Variants in SERPINF2 observed in about 807,000 individuals in gnomAD.
SERPINF2 encodes alpha-2-antiplasmin.
SERPINF2 carries 15 observed loss-of-function variants against 45.0 expected under a neutral mutation model. That is an observed-to-expected ratio of 0.33 (90% CI 0.22 to 0.51). SERPINF2 has a LOEUF of 0.51. Among genes scored for constraint, SERPINF2 ranks in the 20% least tolerant of loss-of-function variants. The pLI, the probability that SERPINF2 is intolerant of heterozygous loss-of-function variation, is 0.97. For synonymous variants in SERPINF2, 283 were observed against 277.9 expected (o/e 1.02, Z -0.18); for missense variants, 518 against 637.4 (o/e 0.81, Z 2.02).
Position 1,752,613 on chromosome 17 carries a change from A to T in SERPINF2, c.886A>T (p.Met296Leu). The T allele has an allele frequency of 6.2e-7, 1 of 1,614,054 alleles. No homozygotes were observed. The highest frequency in any genetic ancestry group is 8.5e-7 in the Non-Finnish European group (1 of 1,179,996). Residue 296 changes from methionine to leucine, a missense_variant, in exon 9 of 10, where the codon ATG becomes TTG. This residue lies in a region of SERPINF2 where 435 missense variants were observed against 577.3 expected (regional missense o/e 0.75). Coordinates refer to ENST00000453066, the MANE Select transcript of SERPINF2 (RefSeq NM_000934.4). ...QVAHFPFKNN[M>L]SFVVLVPTHF... is the part of the protein sequence containing the mutation. ...GGCTCATTTCCCCTTTAAGAACAACATGAGCTTTGTGGTCCTTGTACCCAC... is the reference window on the plus strand; with the variant it reads ...GGCTCATTTCCCCTTTAAGAACAACTTGAGCTTTGTGGTCCTTGTACCCAC...
chr17:1,748,462 C>A, intron 7 of SERPINF2, 136 bp from the exon 8 acceptor site: 5 of 1,129,274 alleles, frequency 4.4e-6, no homozygotes, highest in Non-Finnish European at 5.3e-6. Flanking sequence ...GCTGTCTCAT[C>A]CTTGAATGGA....
Position 1,754,641 on chromosome 17 carries a change from T to G in SERPINF2, c.*107T>G, listed in dbSNP as rs1597337007. ...ACTGGGGCAGGGGCCGGGGGCAGTCTGAGAGAGGCCATTCTTTCCCAACAC... is the reference window on the plus strand; with the variant it reads ...ACTGGGGCAGGGGCCGGGGGCAGTCGGAGAGAGGCCATTCTTTCCCAACAC... On this transcript the variant is annotated 3_prime_UTR_variant, in exon 10 of 10. Coordinates refer to ENST00000453066, the MANE Select transcript of SERPINF2 (RefSeq NM_000934.4). 2 of 1,115,176 alleles carry G rather than the reference T, an allele frequency of 1.8e-6. No individual in the cohort carries two copies. The highest frequency in any genetic ancestry group is 3.2e-5 in the East Asian group (1 of 31,494). 69.1% of individuals were successfully genotyped at this position (1,115,176 alleles called of 1,614,324 possible). A position where few individuals can be genotyped will look rare whatever the true frequency, so the allele number is the denominator to read the frequency against.
rs1905663610 is a variant in SERPINF2 at position 1,745,003 on chromosome 17, T to G, written c.8T>G (p.Leu3Arg). 1.9e-6 allele frequency: 3 copies of G among 1,613,728 alleles called. No individual in the cohort carries two copies. The highest frequency in any genetic ancestry group is 2.7e-5 in the African/African-American group (2 of 74,932). The change falls in exon 2 of 10, where the codon CTG becomes CGG. Residue 3 changes from leucine (L) to arginine (R), a missense_variant. Physicochemically the swap from Leu to Arg is moderately radical, Grantham distance 102. Around this residue, in one of 2 missense-constraint regions of SERPINF2, gnomAD observed 435 missense variants for 577.3 expected, o/e 0.75. Transcript: ENST00000453066. The surrounding 1 kb of genome is among the most constrained non-coding windows in gnomAD (Gnocchi z 6.2). MALLWGLLVLSWS... is the reference protein window; with the variant it reads MARLWGLLVLSWS... ...TGTCCCTGCCACAGGAACATGGCGC[T>G]GCTCTGGGGGCTCCTGGTGCTCAGC...
At chr17:1,743,389 C>T (rs1905469231) in intron 1 of SERPINF2, among the ~76,000 whole-genome samples, 1 of 152,196 alleles carries the variant, frequency 6.6e-6, no homozygotes, top group African/African-American at 2.4e-5. Context: ...CAGGTATGTC[C>T]AGCCTTGTGG....
intron 8 of SERPINF2, among the ~76,000 whole-genome samples, chr17:1,751,191 G>A (rs1183201950): frequency 6.6e-6 from 1 of 152,234 alleles, no homozygotes; most frequent in Non-Finnish European, 1.5e-5. Context: ...GCTCACGCCT[G>A]TAATCCCAGC....
intron 1 of SERPINF2, chr17:1,744,523 G>A: frequency 1.0e-6 from 1 of 983,584 alleles, no homozygotes; most frequent in Non-Finnish European, 1.2e-6. Flanking sequence ...ATCCCAAAAA[G>A]ACGGTCTTAT....
chr17:1,743,086 G>C (rs755221156), intron 1 of SERPINF2, 178 bp downstream of exon 1: 40 of 985,344 alleles, frequency 4.1e-5, no homozygotes, highest in Non-Finnish European at 4.6e-5. Context: ...GGTCGGAGTC[G>C]GGGCCCTGGC....
intron 1 of SERPINF2, chr17:1,743,110 G>A (rs1474351155): frequency 2.0e-6 from 2 of 985,016 alleles, no homozygotes; most frequent in Non-Finnish European, 1.2e-6. Context: ...GGGCTCTTGT[G>A]TGGGATGGGG....
At chr17:1,748,939 G>C (rs1360249105) in intron 8 of SERPINF2, among the ~76,000 whole-genome samples, 199 bp downstream of exon 8, 1 of 152,210 alleles carries the variant, frequency 6.6e-6, no homozygotes, top group African/African-American at 2.4e-5. Context: ...GGCTCTTTGA[G>C]GTTTAGTAAT....
intron 7 of SERPINF2, among the ~76,000 whole-genome samples, chr17:1,747,987 G>A (rs931228530): frequency 8.6e-5 from 13 of 151,632 alleles, no homozygotes; most frequent in Non-Finnish European, 1.9e-4. Flanking sequence ...TGAATACCCT[G>A]GGAACAAATG....
In SERPINF2 at chr17:1,745,655, C is replaced by T; in HGVS notation, c.166-53C>T. 6.4e-7 allele frequency: 1 copy of T among 1,567,462 alleles called. No individual in the cohort carries two copies. The highest frequency in any genetic ancestry group is 8.7e-7 in the Non-Finnish European group (1 of 1,143,248). ...AGGGGCTGTGACAAGGCCTTCAACA[C>T]AGAACCTGGAGCTGACCCCTTGACC... is the stretch of plus-strand genomic sequence containing the variant. On this transcript the variant is annotated intron_variant, in intron 4 of 9. Coordinates refer to ENST00000453066, the MANE Select transcript of SERPINF2 (RefSeq NM_000934.4). This position sits in a 1 kb window ranked among gnomAD's most constrained non-coding sequence, Gnocchi z 6.2.
At position 1,746,896 on chromosome 17, in the gene SERPINF2, T is replaced by A. The variant is rs1436338883; in HGVS notation, c.368-123T>A. 6 of 1,296,188 alleles carry A rather than the reference T, an allele frequency of 4.6e-6. No homozygotes were observed. The African/African-American group carries it at 8.7e-5, about 19-fold the overall frequency. The allele number at this position is 1,296,188 out of a possible 1,614,324, so 80.3% of individuals were successfully genotyped here. ...GAGCCACGCAGAACAGATCCGTGGC[T>A]GTGGAAGGATGGCGTGTGGTCCCGT... is the stretch of plus-strand genomic sequence containing the variant. On this transcript the variant is annotated intron_variant, in intron 5 of 9. Transcript: ENST00000453066.
At position 1,747,372 on chromosome 17, in the gene SERPINF2, G is replaced by A. The variant is rs752567596; in HGVS notation, c.575G>A (p.Ser192Asn). 1 of 1,614,178 alleles carries A rather than the reference G, an allele frequency of 6.2e-7. No individual in the cohort carries two copies. The highest frequency in any genetic ancestry group is 1.1e-5 in the South Asian group (1 of 91,088). The change falls in exon 7 of 10, where the codon AGC becomes AAC. Residue 192 changes from serine (S) to asparagine (N), a missense_variant. Coordinates refer to ENST00000453066, the MANE Select transcript of SERPINF2 (RefSeq NM_000934.4). ...CAGCTATTTGGGGCAAAGCCCGTGA[G>A]CCTGACGGGAAAGCAGGAAGATGAC... ...SEQLFGAKPV[S>N]LTGKQEDDLA...
chr17:1,745,404 A>T lies in SERPINF2; in HGVS notation c.165+9A>T. The T allele has an allele frequency of 8.4e-7, 1 of 1,183,676 alleles. No homozygotes were observed. The highest frequency in any genetic ancestry group is 1.1e-6 in the Non-Finnish European group (1 of 934,582). 73.3% of individuals were successfully genotyped at this position (1,183,676 alleles called of 1,614,324 possible). ...TCAAGTTGGGCAACCAGGTACAACC[A>T]GGTGGGGCTGGGGAAGAGTGGGCGG... On this transcript the variant is annotated intron_variant, in intron 4 of 9. Transcript: ENST00000453066. This position sits in a 1 kb window ranked among gnomAD's most constrained non-coding sequence, Gnocchi z 6.2.
At position 1,744,677 on chromosome 17, in the gene SERPINF2, G is replaced by A. The variant is rs548693637; in HGVS notation, c.-4-315G>A. On this transcript the variant is annotated intron_variant, in intron 1 of 9. Coordinates refer to ENST00000453066, the MANE Select transcript of SERPINF2 (RefSeq NM_000934.4). Reference sequence around the variant, plus strand: ...GATTCAGACACAGATCTGATTCACAGCGCAGGGCCTTGTAGAATGAGAACG... The same window carrying A: ...GATTCAGACACAGATCTGATTCACAACGCAGGGCCTTGTAGAATGAGAACG... 6.1e-6 allele frequency: 6 copies of A among 985,434 alleles called. No homozygotes were observed. The African/African-American group carries it at 1.0e-4, about 17-fold the overall frequency. 61.0% of individuals were successfully genotyped at this position (985,434 alleles called of 1,614,324 possible). A position where few individuals can be genotyped will look rare whatever the true frequency, so the allele number is the denominator to read the frequency against.
chr17:1,742,949 AGAG>A, intron 1 of SERPINF2, 41 bp downstream of exon 1: 1 of 985,374 alleles, frequency 1.0e-6, no homozygotes, highest in South Asian at 4.7e-5. Flanking sequence ...CTTGGGTAGG[AGAG>A]GAGGAGGGAG....
rs1906101299 is a variant in SERPINF2 at position 1,748,718 on chromosome 17, T to C, written c.836T>C (p.Leu279Ser). 2.0e-6 allele frequency: 3 copies of C among 1,524,240 alleles called. No homozygotes were observed. In the East Asian group the frequency reaches 6.7e-5, roughly 34 times the overall value. 94.4% of individuals were successfully genotyped at this position (1,524,240 alleles called of 1,614,324 possible). A position where few individuals can be genotyped will look rare whatever the true frequency, so the allele number is the denominator to read the frequency against. ...QARTYPLRWF[L>S]LEQPEIQVAH... ...CGCACGTACCCGCTGCGCTGGTTCT[T>C]GCTGGAGCAGCCTGAGATCCAGGTC... Residue 279 changes from leucine (L) to serine (S), a missense_variant, in exon 8 of 10, where the codon TTG becomes TCG. By Grantham distance (145) the Leu-to-Ser change is moderately radical. Around this residue, in one of 2 missense-constraint regions of SERPINF2, gnomAD observed 435 missense variants for 577.3 expected, o/e 0.75. Coordinates refer to ENST00000453066, the MANE Select transcript of SERPINF2 (RefSeq NM_000934.4).
intron 8 of SERPINF2, among the ~76,000 whole-genome samples, chr17:1,750,273 C>T (rs917808531): frequency 1.3e-5 from 2 of 152,186 alleles, no homozygotes; most frequent in Admixed American, 6.5e-5. Context: ...CTCAGCCTCC[C>T]GAGTAGCTTG....
chr17:1,752,093 C>G lies in SERPINF2; in HGVS notation c.859-493C>G, dbSNP rs568851854. Reference sequence around the variant, plus strand: ...TGAGACGGATTTTTACTCCTGTCCCCCAGGCTGGAGTGCAGTGGCTTGATC... The same window carrying G: ...TGAGACGGATTTTTACTCCTGTCCCGCAGGCTGGAGTGCAGTGGCTTGATC... On this transcript the variant is annotated intron_variant, in intron 8 of 9. Transcript: ENST00000453066. 4.2e-4 allele frequency among the ~76,000 whole-genome samples: 41 copies of G among 97,728 alleles called. 1 individual carries two copies. Among genetic ancestry groups the G allele is most frequent in the African/African-American group, 1.1e-3 (41 of 37,030 alleles). The allele number at this position is 97,728 out of a possible 152,430, so 64.1% of individuals were successfully genotyped here. A position where few individuals can be genotyped will look rare whatever the true frequency, so the allele number is the denominator to read the frequency against.
Sources: allele counts gnomAD v4.1 joint callset (sites outside exome capture counted in the v4.1 genomes callset), GRCh38; gene constraint gnomAD v4.1.1; regional missense constraint gnomAD v4.1.1; non-coding constraint Gnocchi (gnomAD v3.1); transcripts MANE v1.5; gene names NCBI Gene and HGNC (gene_info 2026-07-23, HGNC 2026-07-21).